The following RHEX variants were observed in gnomAD, a reference collection of about 807,000 sequenced individuals.
The protein encoded by RHEX is regulator of hemoglobinization and erythroid cell expansion.
A neutral mutation model predicts 20.1 loss-of-function variants in RHEX; 18 were observed. The ratio of observed to expected loss-of-function variants is 0.90; its 90% confidence interval spans 0.62 to 1.33. The LOEUF (loss-of-function observed/expected upper bound fraction) is 1.33. Ranked by LOEUF, RHEX falls within the 40% of genes most tolerant of loss-of-function variation. The pLI is 0.00. For synonymous variants in RHEX, 87 were observed against 77.1 expected (o/e 1.13, Z -0.67); for missense variants, 192 against 214.3 (o/e 0.90, Z 0.65).
intron 1 of RHEX, among the ~76,000 whole-genome samples, chr1:206,065,527 G>A (rs1378467027): frequency 1.3e-5 from 2 of 152,200 alleles, no homozygotes; most frequent in Non-Finnish European, 2.9e-5. Flanking sequence ...GGTTCCTGGG[G>A]AGGTTGGTCA....
chr1:206,064,260 T>TG (rs1374700300), intron 1 of RHEX, among the ~76,000 whole-genome samples: 31 of 109,810 alleles, frequency 2.8e-4, no homozygotes, highest in South Asian at 1.9e-3. Flanking sequence ...GGGAGGGAGG[T>TG]GGGGGGGGTC....
chr1:206,058,640 A>G (rs1227925378), intron 1 of RHEX, among the ~76,000 whole-genome samples: 1 of 152,234 alleles, frequency 6.6e-6, no homozygotes, highest in Non-Finnish European at 1.5e-5. Context: ...CAGACATTGT[A>G]TAGAAGAACA....
intron 1 of RHEX, among the ~76,000 whole-genome samples, chr1:206,063,925 G>T (rs1473636740): frequency 6.6e-6 from 1 of 151,290 alleles, no homozygotes; most frequent in Non-Finnish European, 1.5e-5. Context: ...CTGCCCGGCC[G>T]CCATCCCATC....
chr1:206,068,647 A>G lies in RHEX; in HGVS notation c.-97+15382A>G, dbSNP rs1462878862. ...TCTCAGGATGGGCCCCAGAGTATCT[A>G]AAGATGCTACAGTTCAAGGGATTGA... On this transcript the variant is annotated intron_variant, in intron 1 of 5. Transcript: ENST00000331555. 5.3e-5 allele frequency among the ~76,000 whole-genome samples: 8 copies of G among 152,152 alleles called. No homozygotes were observed. In the Admixed American group the frequency reaches 5.3e-4, roughly 10 times the overall value.
chr1:206,094,169 G>GGGGTGTGTGTGTGT (rs1200017719), intron 1 of RHEX, among the ~76,000 whole-genome samples: 1 of 148,576 alleles, frequency 6.7e-6, no homozygotes, highest in African/African-American at 2.5e-5. Context: ...CTGGTTATTT[G>GGGGTGTGTGTGTGT]GTGTGTGTGT....
chr1:206,065,591 C>G (rs1259458243), intron 1 of RHEX, among the ~76,000 whole-genome samples: 2 of 152,220 alleles, frequency 1.3e-5, no homozygotes, highest in Non-Finnish European at 1.5e-5. Context: ...GGCAACCCCA[C>G]CTCTTCTTTC....
chr1:206,068,448 T>G (rs1181838741), intron 1 of RHEX, among the ~76,000 whole-genome samples: 1 of 152,130 alleles, frequency 6.6e-6, no homozygotes, highest in African/African-American at 2.4e-5. Context: ...AGGGTATTTT[T>G]GGGAAGGAAA....
chr1:206,075,511 TG>T (rs1272685838), intron 1 of RHEX, among the ~76,000 whole-genome samples: 1 of 152,100 alleles, frequency 6.6e-6, no homozygotes, highest in Admixed American at 6.5e-5. Context: ...TTTAAACTAT[TG>T]TGGTGACAAA....
At chr1:206,059,485 C>G (rs1361687552) in intron 1 of RHEX, among the ~76,000 whole-genome samples, 1 of 152,188 alleles carries the variant, frequency 6.6e-6, no homozygotes, top group Non-Finnish European at 1.5e-5. Flanking sequence ...CCCACCCCAC[C>G]TTGGCCACAG....
chr1:206,079,067 A>G (rs1003202395), intron 1 of RHEX, among the ~76,000 whole-genome samples: 4 of 152,176 alleles, frequency 2.6e-5, no homozygotes, highest in Admixed American at 6.5e-5. Flanking sequence ...CCCAGTCTTG[A>G]GTTTCTTTAT....
intron 1 of RHEX, among the ~76,000 whole-genome samples, chr1:206,079,801 C>T (rs1662703338): frequency 6.6e-6 from 1 of 152,198 alleles, no homozygotes; most frequent in African/African-American, 2.4e-5. Flanking sequence ...TGATCTGCCT[C>T]TTCGGCCTCC....
At chr1:206,100,979 G>A (rs954737193) in intron 4 of RHEX, among the ~76,000 whole-genome samples, 157 bp from the exon 5 acceptor site, 2 of 151,784 alleles carry the variant, frequency 1.3e-5, no homozygotes, top group African/African-American at 4.8e-5. Flanking sequence ...TCCTCTTTTG[G>A]GGTCTCTGTA....
chr1:206,056,892 T>C (rs1288655380), intron 1 of RHEX, among the ~76,000 whole-genome samples: 1 of 152,242 alleles, frequency 6.6e-6, no homozygotes, highest in Non-Finnish European at 1.5e-5. Flanking sequence ...TTCGGCTACT[T>C]GAAAATAAGT....
At position 206,102,063 on chromosome 1, in the gene RHEX, A is replaced by T. The variant is rs1663204659; in HGVS notation, c.*111A>T. ...AGGCATGGGGCTCACAAGTCTATGG[A>T]GACAGGCCAAAAAGAATGTGGAGAA... On this transcript the variant is annotated 3_prime_UTR_variant, in exon 6 of 6. Coordinates refer to ENST00000331555, the MANE Select transcript of RHEX (RefSeq NM_001007544.4). The T allele has an allele frequency of 1.2e-6, 1 of 859,846 alleles. No individual in the cohort carries two copies. Among genetic ancestry groups the T allele is most frequent in the Non-Finnish European group, 1.9e-6 (1 of 530,958 alleles). 53.3% of individuals were successfully genotyped at this position (859,846 alleles called of 1,614,324 possible).
intron 1 of RHEX, chr1:206,080,386 A>AGAAAACAG (rs1662711144): frequency 6.6e-6 from 1 of 152,330 alleles, no homozygotes; most frequent in African/African-American, 2.4e-5. Context: ...TTTAAAATAG[A>AGAAAACAG]GAAAACAGTT....
chr1:206,097,759 A>G lies in RHEX; in HGVS notation c.-70A>G. On this transcript the variant is annotated 5_prime_UTR_variant, in exon 2 of 6. Coordinates refer to ENST00000331555, the MANE Select transcript of RHEX (RefSeq NM_001007544.4). The stretch of plus-strand genomic sequence containing the variant: ...TCTCCAGCACCCTGCCGGTGGCACT[A>G]CTGAGAGACGAGGTGCCAGGGTGGT... 1 of 1,613,720 alleles carries G rather than the reference A, an allele frequency of 6.2e-7. No individual in the cohort carries two copies. Among genetic ancestry groups the G allele is most frequent in the South Asian group, 1.1e-5 (1 of 91,058 alleles).
At chr1:206,089,558 C>T (rs904910805) in intron 1 of RHEX, among the ~76,000 whole-genome samples, 16 of 152,006 alleles carry the variant, frequency 1.1e-4, no homozygotes, top group South Asian at 2.1e-4. Context: ...TTTATAATGA[C>T]GCTGTACAGA....
At chr1:206,077,673 A>G (rs782461925) in intron 1 of RHEX, among the ~76,000 whole-genome samples, 1 of 152,172 alleles carries the variant, frequency 6.6e-6, no homozygotes, top group Non-Finnish European at 1.5e-5. Context: ...ACAAGGCAGG[A>G]AGATTGCTTG....
chr1:206,070,534 T>C (rs1662505905), intron 1 of RHEX, among the ~76,000 whole-genome samples: 1 of 152,200 alleles, frequency 6.6e-6, no homozygotes, highest in African/African-American at 2.4e-5. Context: ...CTTTGCACAG[T>C]CCTGAGAGAA....
Sources: gnomAD v4.1 joint callset for allele counts (sites outside exome capture counted in the v4.1 genomes callset) on GRCh38, gnomAD v4.1.1 for gene constraint, MANE v1.5 for transcripts, NCBI Gene and HGNC (gene_info 2026-07-23, HGNC 2026-07-21) for gene names.